Variants in RAPGEF5 observed in about 807,000 individuals in gnomAD.
RAPGEF5 encodes Rap guanine nucleotide exchange factor 5.
A neutral mutation model predicts 125.2 loss-of-function variants in RAPGEF5; 65 were observed. The observed-to-expected ratio is 0.52, with a 90% CI of 0.43 to 0.64. The LOEUF is 0.64. Among genes scored for constraint, RAPGEF5 ranks in the 30% least tolerant of loss-of-function variants. RAPGEF5 has a pLI of 0.00. For missense variants in RAPGEF5, 958 were observed against 1,048.1 expected, an observed-to-expected ratio of 0.91 and a Z score of 1.19; for synonymous variants, 391 against 385.9, an observed-to-expected ratio of 1.01 and a Z score of -0.16.
chr7:22,206,040 T>C lies in RAPGEF5; in HGVS notation c.997-12007A>G, dbSNP rs147427731. On this transcript the variant is annotated intron_variant, in intron 9 of 25. Transcript: ENST00000665637. ...TCCTGAGTAATCAATTGGTATCCTT[T>C]ATAAAATGGTGACATTTTCCCAGAA... is the stretch of plus-strand genomic sequence containing the variant. 3.9e-3 allele frequency among the ~76,000 whole-genome samples: 593 copies of C among 152,340 alleles called. 5 individuals are homozygous for C. Among genetic ancestry groups the C allele is most frequent in the African/African-American group, 0.013 (543 of 41,590 alleles).
At chr7:22,157,164 C>A (rs1783837042) in intron 15 of RAPGEF5, among the ~76,000 whole-genome samples, 1 of 152,208 alleles carries the variant, frequency 6.6e-6, no homozygotes, top group Admixed American at 6.5e-5. Context: ...CTGGCTATTA[C>A]AAACATCCAT....
intron 5 of RAPGEF5, among the ~76,000 whole-genome samples, chr7:22,291,870 T>C (rs954514609): frequency 6.6e-5 from 10 of 152,242 alleles, no homozygotes; most frequent in African/African-American, 2.4e-4. Context: ...TTTGTTTGTT[T>C]GTTTGGGGAA....
At chr7:22,213,997 G>A (rs2128131217) in intron 9 of RAPGEF5, among the ~76,000 whole-genome samples, 1 of 152,254 alleles carries the variant, frequency 6.6e-6, no homozygotes, top group East Asian at 1.9e-4. Context: ...ATGAAATTTG[G>A]GAAAAGGTAG....
chr7:22,347,982 A>T (rs1230563704), intron 1 of RAPGEF5, among the ~76,000 whole-genome samples: 1 of 152,236 alleles, frequency 6.6e-6, no homozygotes, highest in Non-Finnish European at 1.5e-5. Flanking sequence ...AAAAAAATTT[A>T]CTAGCAACTG....
chr7:22,337,457 C>T lies in RAPGEF5; in HGVS notation c.231+19373G>A, dbSNP rs149042268. Among the ~76,000 whole-genome samples the T allele has an allele frequency of 7.2e-5, 11 of 152,314 alleles. No homozygotes were observed. In the East Asian group the frequency reaches 1.2e-3, roughly 16 times the overall value. ...GTTGCAAATCTTGTGACCTCCAAAACGGCTGATAATTGGTTAACTATACCT... is the reference window on the plus strand; with the variant it reads ...GTTGCAAATCTTGTGACCTCCAAAATGGCTGATAATTGGTTAACTATACCT... On this transcript the variant is annotated intron_variant, in intron 1 of 25. Transcript: ENST00000665637.
intron 1 of RAPGEF5, among the ~76,000 whole-genome samples, chr7:22,347,272 A>C (rs1784240183): frequency 6.6e-6 from 1 of 152,200 alleles, no homozygotes; most frequent in Admixed American, 6.5e-5. Flanking sequence ...GTGTTCATAT[A>C]GATTGTTAAT....
At position 22,120,152 on chromosome 7, in the gene RAPGEF5, C is replaced by CT. The variant is rs1782542255; in HGVS notation, c.*2253dup. On this transcript the variant is annotated 3_prime_UTR_variant, in exon 26 of 26. Coordinates refer to ENST00000665637, the MANE Select transcript of RAPGEF5 (RefSeq NM_012294.5). This position sits in a 1 kb window ranked among gnomAD's most constrained non-coding sequence, Gnocchi z 4.0. ...GACTGCACAAAATCCTCCCTTCCCT[C>CT]TGCTACCCCTAGGACCACCTAACCA... is the stretch of plus-strand genomic sequence containing the variant. 1 of 152,232 alleles carries CT rather than the reference C, an allele frequency of 6.6e-6. No homozygotes were observed. The allele number at this position is 152,232 out of a possible 1,614,324, so 9.4% of individuals were successfully genotyped here.
intron 1 of RAPGEF5, among the ~76,000 whole-genome samples, chr7:22,332,997 T>C (rs1013566884): frequency 1.3e-5 from 2 of 152,234 alleles, no homozygotes; most frequent in African/African-American, 4.8e-5. Context: ...AACATATGTG[T>C]GTAGGTACAT....
At chr7:22,205,350 C>T (rs1337734528) in intron 9 of RAPGEF5, among the ~76,000 whole-genome samples, 1 of 152,092 alleles carries the variant, frequency 6.6e-6, no homozygotes, top group Non-Finnish European at 1.5e-5. Flanking sequence ...TTTAAATATC[C>T]AATGAACTGG....
At chr7:22,254,099 G>A (rs1786689442) in intron 7 of RAPGEF5, among the ~76,000 whole-genome samples, 1 of 152,140 alleles carries the variant, frequency 6.6e-6, no homozygotes, top group South Asian at 2.1e-4. Context: ...CTGCTCCAAA[G>A]TAGAATATGC....
intron 9 of RAPGEF5, among the ~76,000 whole-genome samples, chr7:22,201,733 T>C (rs1200978645): frequency 6.6e-6 from 1 of 152,234 alleles, no homozygotes; most frequent in African/African-American, 2.4e-5. Flanking sequence ...GGCTAGTCAA[T>C]CACACAGGTG....
chr7:22,340,207 A>G (rs1226768010), intron 1 of RAPGEF5, among the ~76,000 whole-genome samples: 2 of 152,204 alleles, frequency 1.3e-5, no homozygotes, highest in Non-Finnish European at 2.9e-5. Context: ...CTGGGAAACA[A>G]TGACAGCAAA....
chr7:22,201,819 G>A (rs1470941879), intron 9 of RAPGEF5, among the ~76,000 whole-genome samples: 2 of 152,154 alleles, frequency 1.3e-5, no homozygotes, highest in Non-Finnish European at 2.9e-5. Context: ...AAAAGTTCTT[G>A]GCTGATGACC....
intron 1 of RAPGEF5, among the ~76,000 whole-genome samples, chr7:22,319,152 A>T (rs1413973013): frequency 6.6e-6 from 1 of 152,182 alleles, no homozygotes; most frequent in East Asian, 1.9e-4. Flanking sequence ...CTATTGCAGT[A>T]TTAAAAAAAG....
intron 5 of RAPGEF5, among the ~76,000 whole-genome samples, chr7:22,302,490 A>C (rs1386355039): frequency 6.6e-6 from 1 of 152,138 alleles, no homozygotes; most frequent in African/African-American, 2.4e-5. Context: ...AATGCCAAGA[A>C]CAGTTATATC....
At chr7:22,228,210 G>C (rs1478554164) in intron 8 of RAPGEF5, among the ~76,000 whole-genome samples, 1 of 152,114 alleles carries the variant, frequency 6.6e-6, no homozygotes, top group African/African-American at 2.4e-5. Context: ...ATTTTACAGA[G>C]GTTAGAAAGG....
chr7:22,331,039 C>G (rs1210188739), intron 1 of RAPGEF5, among the ~76,000 whole-genome samples: 1 of 152,202 alleles, frequency 6.6e-6, no homozygotes, highest in African/African-American at 2.4e-5. Flanking sequence ...CCACTGTCCA[C>G]CACATTCCCT....
intron 18 of RAPGEF5, among the ~76,000 whole-genome samples, chr7:22,148,375 T>C (rs185653589): frequency 9.8e-5 from 15 of 152,350 alleles, no homozygotes; most frequent in African/African-American, 3.6e-4. Flanking sequence ...AATAACTCTA[T>C]TTATTCAAGG....
At position 22,338,898 on chromosome 7, in the gene RAPGEF5, G is replaced by A. The variant is rs74202434; in HGVS notation, c.231+17932C>T. 7.9e-5 allele frequency among the ~76,000 whole-genome samples: 12 copies of A among 152,104 alleles called. 1 individual carries two copies. The highest frequency in any genetic ancestry group is 6.2e-4 in the South Asian group (3 of 4,826). On this transcript the variant is annotated intron_variant, in intron 1 of 25. Transcript: ENST00000665637. ...GAAGACCATCAGGTGAGGATCAGGC[G>A]TTTGTTAACTGTCTCTAAAATAATA...
Sources: gnomAD v4.1 joint callset for allele counts (sites outside exome capture counted in the v4.1 genomes callset) on GRCh38, gnomAD v4.1.1 for gene constraint, Gnocchi (gnomAD v3.1) non-coding constraint, MANE v1.5 for transcripts, NCBI Gene and HGNC (gene_info 2026-07-23, HGNC 2026-07-21) for gene names.